MAD1L1: variants seen among roughly 807,000 people sequenced by gnomAD.
MAD1L1 encodes the protein mitotic spindle assembly checkpoint protein MAD1.
A neutral mutation model predicts 96.9 loss-of-function variants in MAD1L1; 95 were observed. That is an observed-to-expected ratio of 0.98 (90% CI 0.83 to 1.16). The LOEUF (loss-of-function observed/expected upper bound fraction) is 1.16, where lower values mean the gene tolerates loss of function less well. Ranked by LOEUF, MAD1L1 falls within the 50% of genes most tolerant of loss-of-function variation. The probability of loss-of-function intolerance (pLI) is 0.00; values close to 1 mark genes in which losing one functional copy is unlikely to be tolerated. For missense variants in MAD1L1, 1,007 were observed against 954.4 expected (o/e 1.06, Z -0.73); for synonymous variants, 473 against 396.6 (o/e 1.19, Z -2.29).
chr7:2,016,964 G>A (rs968473025), intron 12 of MAD1L1, among the ~76,000 whole-genome samples: 8 of 152,264 alleles, frequency 5.3e-5, no homozygotes, highest in East Asian at 1.9e-4. Context: ...CGGGGCGGGG[G>A]ACTTCCCTTG....
intron 10 of MAD1L1, among the ~76,000 whole-genome samples, chr7:2,152,395 C>T (rs573874591): frequency 1.3e-5 from 2 of 152,346 alleles, no homozygotes; most frequent in Admixed American, 1.3e-4. Flanking sequence ...GAAGGAATCC[C>T]TCCCTTCGCA....
chr7:2,098,547 G>C (rs1157015676), intron 11 of MAD1L1, among the ~76,000 whole-genome samples: 1 of 152,204 alleles, frequency 6.6e-6, no homozygotes. Context: ...ATGGTCTCTT[G>C]CCTGGTTAAC....
intron 11 of MAD1L1, among the ~76,000 whole-genome samples, chr7:2,075,043 G>A (rs370209970): frequency 6.6e-6 from 1 of 152,200 alleles, no homozygotes; most frequent in African/African-American, 2.4e-5. Context: ...CGTGGAGAGC[G>A]GGCTGAGCCA....
At chr7:2,062,742 T>G (rs1304452459) in intron 12 of MAD1L1, among the ~76,000 whole-genome samples, 1 of 152,154 alleles carries the variant, frequency 6.6e-6, no homozygotes, top group Admixed American at 6.5e-5. Context: ...CGGAGACTAC[T>G]GAGAACAAGC....
rs141377023 is a variant in MAD1L1 at position 1,855,443 on chromosome 7, G to A, written c.1999-39215C>T. Among the ~76,000 whole-genome samples, 19 of 152,124 alleles carry A rather than the reference G, an allele frequency of 1.2e-4. No individual in the cohort carries two copies. The East Asian group carries it at 1.7e-3, about 14-fold the overall frequency. ...TGTGCCCGCATCTGACTATAACAGC[G>A]GGAGGAAAGGCTGCACCTCAACGCC... On this transcript the variant is annotated intron_variant, in intron 18 of 18. Coordinates refer to ENST00000265854, the MANE Select transcript of MAD1L1 (RefSeq NM_001013836.2).
chr7:1,832,052 A>G (rs1782728498), intron 18 of MAD1L1, among the ~76,000 whole-genome samples: 1 of 152,214 alleles, frequency 6.6e-6, no homozygotes, highest in Non-Finnish European at 1.5e-5. Context: ...CTAAGGCTAT[A>G]GTTGTCACAG....
In MAD1L1 at chr7:2,036,732, G is replaced by A. The variant is rs151139514; in HGVS notation, c.1219-22090C>T. Among the ~76,000 whole-genome samples, 21 of 152,162 alleles carry A rather than the reference G, an allele frequency of 1.4e-4. No individual in the cohort carries two copies. In the East Asian group the frequency reaches 3.9e-3, roughly 28 times the overall value. On this transcript the variant is annotated intron_variant, in intron 12 of 18. Coordinates refer to ENST00000265854, the MANE Select transcript of MAD1L1 (RefSeq NM_001013836.2). The stretch of plus-strand genomic sequence containing the variant: ...GCCTGTCCCACCTCCCCAAGGCCAG[G>A]GCTCCTGATCAGAGGTGCTGTAAAG...
chr7:2,002,226 G>A, intron 13 of MAD1L1, 105 bp from the exon 14 acceptor site: 1 of 1,121,618 alleles, frequency 8.9e-7, no homozygotes, highest in Non-Finnish European at 1.3e-6. Context: ...CCACTCTCTG[G>A]GGAGCAACGG....
chr7:2,072,278 C>A (rs1310211054), intron 11 of MAD1L1, among the ~76,000 whole-genome samples: 2 of 152,200 alleles, frequency 1.3e-5, no homozygotes, highest in Non-Finnish European at 2.9e-5. Context: ...GGAAACACCC[C>A]ACATCTGGTC....
At chr7:1,946,010 C>T (rs1389906074) in intron 16 of MAD1L1, among the ~76,000 whole-genome samples, 1 of 152,134 alleles carries the variant, frequency 6.6e-6, no homozygotes, top group Non-Finnish European at 1.5e-5. Flanking sequence ...TGCACTGGGG[C>T]CAGGAGGCAA....
At chr7:1,862,252 C>G (rs995756258) in intron 18 of MAD1L1, among the ~76,000 whole-genome samples, 5 of 152,352 alleles carry the variant, frequency 3.3e-5, no homozygotes, top group African/African-American at 1.2e-4. Context: ...CCTCTGCCCA[C>G]CAGAGGCCAA....
At chr7:2,172,748 G>C (rs1790766561) in intron 10 of MAD1L1, among the ~76,000 whole-genome samples, 2 of 152,240 alleles carry the variant, frequency 1.3e-5, no homozygotes, top group Non-Finnish European at 2.9e-5. Flanking sequence ...AACCAGCTGA[G>C]AACCCACGTG....
chr7:2,214,905 C>T (rs1219900795), intron 9 of MAD1L1, among the ~76,000 whole-genome samples: 1 of 152,126 alleles, frequency 6.6e-6, no homozygotes, highest in African/African-American at 2.4e-5. Flanking sequence ...CTGCTGCAAC[C>T]GAAACAGATC....
intron 5 of MAD1L1, among the ~76,000 whole-genome samples, chr7:2,222,004 G>A (rs544278057): frequency 1.3e-5 from 2 of 151,412 alleles, no homozygotes; most frequent in Non-Finnish European, 2.9e-5. Context: ...CACACTAAAC[G>A]TCCACAAACA....
In MAD1L1 at chr7:2,213,268, C is replaced by T. The variant is rs1793079268; in HGVS notation, c.930G>A (p.Leu310=). 1.9e-6 allele frequency: 3 copies of T among 1,614,012 alleles called. No homozygotes were observed. Among genetic ancestry groups the T allele is most frequent in the Non-Finnish European group, 2.5e-6 (3 of 1,180,020 alleles). Residue 310 remains leucine (L), a synonymous_variant, in exon 10 of 19, where the codon CTG becomes CTA. Coordinates refer to ENST00000265854, the MANE Select transcript of MAD1L1 (RefSeq NM_001013836.2). ...TCTCCCAGCTTTGCAGCTTGGCCAG[C>T]AGCCTCTGAAAAGACAACAAAAGCA... ...LVGLELENER[L]LAKLQSWERL... is the part of the protein sequence containing the mutation.
chr7:1,910,747 G>A (rs1026856773), intron 17 of MAD1L1, among the ~76,000 whole-genome samples: 2 of 152,204 alleles, frequency 1.3e-5, no homozygotes, highest in South Asian at 2.1e-4. Context: ...GTGCCTGTCC[G>A]GGGCAGGAAC....
At chr7:2,188,288 C>A (rs1562353729) in intron 10 of MAD1L1, among the ~76,000 whole-genome samples, 1 of 152,226 alleles carries the variant, frequency 6.6e-6, no homozygotes, top group Non-Finnish European at 1.5e-5. Flanking sequence ...ACGTTCAATG[C>A]AATCCCTATC....
rs1266116753 is a variant in MAD1L1 at position 1,852,322 on chromosome 7, G to C, written c.1999-36094C>G. On this transcript the variant is annotated intron_variant, in intron 18 of 18. Coordinates refer to ENST00000265854, the MANE Select transcript of MAD1L1 (RefSeq NM_001013836.2). ...TAGCACTAGGCTGTGGAGCTCACTG[G>C]GTTTCCCGGACTGGGAGGACCTGGC... 3.3e-5 allele frequency among the ~76,000 whole-genome samples: 5 copies of C among 152,334 alleles called. No individual in the cohort carries two copies. In the East Asian group the frequency reaches 9.6e-4, roughly 29 times the overall value.
At chr7:2,193,873 G>T (rs1262967030) in intron 10 of MAD1L1, among the ~76,000 whole-genome samples, 2 of 151,264 alleles carry the variant, frequency 1.3e-5, no homozygotes, top group Admixed American at 1.3e-4. Flanking sequence ...TGCTGTGTGG[G>T]CAGCAAAAGG....
Sources: gnomAD v4.1 joint callset for allele counts (sites outside exome capture counted in the v4.1 genomes callset) on GRCh38, gnomAD v4.1.1 for gene constraint, MANE v1.5 for transcripts, NCBI Gene and HGNC (gene_info 2026-07-23, HGNC 2026-07-21) for gene names.